The following IGFN1 variants were observed in gnomAD, a reference collection of about 807,000 sequenced individuals.
IGFN1 encodes the protein immunoglobulin-like and fibronectin type III domain-containing protein 1.
A neutral mutation model predicts 289.5 loss-of-function variants in IGFN1; 253 were observed. The ratio of observed to expected loss-of-function variants is 0.87; its 90% CI spans 0.79 to 0.97. The LOEUF (loss-of-function observed/expected upper bound fraction) is 0.97, where lower values mean the gene tolerates loss of function less well. IGFN1 is among the 50% of genes least tolerant of loss of function. The probability of loss-of-function intolerance (pLI) is 0.00; values close to 1 mark genes in which losing one functional copy is unlikely to be tolerated. For synonymous variants in IGFN1, 1,706 were observed against 1,788.5 expected (o/e 0.95, Z 1.16); for missense variants, 4,470 against 4,686.1 (o/e 0.95, Z 1.35).
chr1:201,214,611 C>A (rs1300796377), intron 13 of IGFN1, among the ~76,000 whole-genome samples: 1 of 152,112 alleles, frequency 6.6e-6, no homozygotes, highest in Non-Finnish European at 1.5e-5. Context: ...ATCGTCTCAT[C>A]CCAACCAGAA....
At chr1:201,203,103 AT>A (rs1427759743) in intron 9 of IGFN1, among the ~76,000 whole-genome samples, 1 of 151,952 alleles carries the variant, frequency 6.6e-6, no homozygotes, top group East Asian at 1.9e-4. Flanking sequence ...TATGACATCT[AT>A]TATTTATATT....
At chr1:201,193,731 C>T (rs1034595202) in intron 2 of IGFN1, among the ~76,000 whole-genome samples, 11 of 152,300 alleles carry the variant, frequency 7.2e-5, no homozygotes, top group Admixed American at 2.0e-4. Flanking sequence ...GGATTACTGG[C>T]GTAAGCCACC....
chr1:201,213,945 C>T (rs572915337), intron 12 of IGFN1, among the ~76,000 whole-genome samples: 4 of 152,280 alleles, frequency 2.6e-5, no homozygotes, highest in African/African-American at 9.6e-5. Context: ...CTTCATATAC[C>T]TTACACCCCA....
intron 10 of IGFN1, among the ~76,000 whole-genome samples, chr1:201,204,673 G>A (rs1016582283): frequency 1.3e-5 from 2 of 152,180 alleles, no homozygotes; most frequent in Admixed American, 6.5e-5. Flanking sequence ...TCTTAACTGC[G>A]TAAGACTGGG....
At chr1:201,223,676 A>C (rs1653897536) in intron 20 of IGFN1, among the ~76,000 whole-genome samples, 1 of 152,172 alleles carries the variant, frequency 6.6e-6, no homozygotes. Flanking sequence ...CCCAGCCAGA[A>C]CAAATATCTT....
intron 8 of IGFN1, among the ~76,000 whole-genome samples, chr1:201,201,450 G>A (rs1041293177): frequency 2.6e-5 from 4 of 152,156 alleles, no homozygotes; most frequent in Admixed American, 6.5e-5. Flanking sequence ...ACTAATGTTC[G>A]TTAGAAGTAC....
rs775012546 is a variant in IGFN1, at chr1:201,212,957, C to T, written c.8064C>T (p.Ser2688=). The change falls in exon 12 of 24, where the codon AGC becomes AGT. Residue 2688 remains serine, a synonymous_variant. Transcript: ENST00000335211. Reference sequence around the variant, plus strand: ...AAGAGGCGGCTGGTGGATGCCGAAGCCCATGGTCCCTGGATAGCAAAGGTT... The same window carrying T: ...AAGAGGCGGCTGGTGGATGCCGAAGTCCATGGTCCCTGGATAGCAAAGGTT... ...PGQEAAGGCR[S]PWSLDSKGSS... is the part of the protein sequence containing the mutation. The T allele has an allele frequency of 1.3e-6, 2 of 1,551,296 alleles. No individual in the cohort carries two copies. Among genetic ancestry groups the T allele is most frequent in the Non-Finnish European group, 1.7e-6 (2 of 1,146,974 alleles).
At position 201,194,230 on chromosome 1, in the gene IGFN1, G is replaced by C. The variant is rs542939183; in HGVS notation, c.84G>C (p.Thr28=). 6.4e-7 allele frequency: 1 copy of C among 1,551,598 alleles called. No individual in the cohort carries two copies. The highest frequency in any genetic ancestry group is 1.4e-5 in the African/African-American group (1 of 73,162). Residue 28 remains threonine (T), a synonymous_variant, in exon 3 of 24, where the codon ACG becomes ACC. Transcript: ENST00000335211. ...LVEEIPEGCS[T]PDFEQKPVTS... is the part of the protein sequence containing the mutation. ...AGGAGATCCCTGAAGGCTGCAGCAC[G>C]CCGGACTTTGAGCAGAAGCCCGTCA...
intron 8 of IGFN1, among the ~76,000 whole-genome samples, chr1:201,200,665 T>C (rs544182734): frequency 1.3e-5 from 2 of 152,280 alleles, no homozygotes; most frequent in South Asian, 2.1e-4. Context: ...CTCTGTATCT[T>C]GGTGTCTTCA....
At chr1:201,191,556 G>A (rs1442313309) in intron 1 of IGFN1, among the ~76,000 whole-genome samples, 2 of 152,164 alleles carry the variant, frequency 1.3e-5, no homozygotes, top group African/African-American at 2.4e-5. Context: ...ATGAATTATG[G>A]AGGAGAGAAT....
In IGFN1 at chr1:201,221,487, G is replaced by A. The variant is rs746521866; in HGVS notation, c.9942G>A (p.Ser3314=). Residue 3314 remains serine, a synonymous_variant, in exon 19 of 24, where the codon TCG becomes TCA. Transcript: ENST00000335211. The stretch of plus-strand genomic sequence containing the variant: ...GGAATCTCCAAGTCACAGACAGATC[G>A]AACACCAGCATCACTCTGAGCTGGG... The part of the protein sequence containing the change: ...LVRNLQVTDR[S]NTSITLSWAG... 9.3e-6 allele frequency: 15 copies of A among 1,611,970 alleles called. No individual in the cohort carries two copies. The highest frequency in any genetic ancestry group is 2.2e-5 in the East Asian group (1 of 44,876).
chr1:201,213,149 T>G lies in IGFN1; in HGVS notation c.8256T>G (p.Asp2752Glu). Residue 2752 changes from aspartate to glutamate, a missense_variant, in exon 12 of 24, where the codon GAT becomes GAG. Coordinates refer to ENST00000335211, the MANE Select transcript of IGFN1 (RefSeq NM_001164586.2). ...CCTTTGGCAGAAAAGCCTCTAGAGATAGGTCAGGAGGGACCCAGGACCTGA... is the reference window on the plus strand; with the variant it reads ...CCTTTGGCAGAAAAGCCTCTAGAGAGAGGTCAGGAGGGACCCAGGACCTGA... ...DGPFGRKASR[D>E]RSGGTQDLSS... The G allele has an allele frequency of 1.3e-6, 2 of 1,551,442 alleles. No individual in the cohort carries two copies. Among genetic ancestry groups the G allele is most frequent in the Non-Finnish European group, 1.7e-6 (2 of 1,146,910 alleles).
intron 5 of IGFN1, among the ~76,000 whole-genome samples, chr1:201,198,675 C>G (rs1042239562): frequency 5.9e-5 from 9 of 152,134 alleles, no homozygotes; most frequent in Non-Finnish European, 7.3e-5. Context: ...TATCCTCCCC[C>G]CTCGGCCTCC....
At position 201,221,603 on chromosome 1, in the gene IGFN1, TG is replaced by T. The variant is rs1558159078; in HGVS notation, c.10061del (p.Gly3354AlafsTer23). 1.9e-6 allele frequency: 3 copies of T among 1,614,202 alleles called. No homozygotes were observed. Among genetic ancestry groups the T allele is most frequent in the East Asian group, 4.5e-5 (2 of 44,884 alleles). ...SDSLQWLPCH[V>X]GTVPVTTYTA... ...AGTCTCCAGTGGCTCCCGTGCCATG[TG>T]GGCACCGTGCCAGTCACCACCTACA... On this transcript the variant is annotated frameshift_variant, in exon 19 of 24. Coordinates refer to ENST00000335211, the MANE Select transcript of IGFN1 (RefSeq NM_001164586.2). LOFTEE classifies it high-confidence loss of function.
chr1:201,197,489 C>T lies in IGFN1; in HGVS notation c.367+172C>T, dbSNP rs1301884133. 2.0e-5 allele frequency among the ~76,000 whole-genome samples: 3 copies of T among 152,210 alleles called. No homozygotes were observed. The East Asian group carries it at 5.8e-4, about 29-fold the overall frequency. The stretch of plus-strand genomic sequence containing the variant: ...GGGCCCCGGGCTTCATCCACATGCA[C>T]ACTGAGTCTGCATGTGTTTAAAAAG... On this transcript the variant is annotated intron_variant, in intron 5 of 23. Coordinates refer to ENST00000335211, the MANE Select transcript of IGFN1 (RefSeq NM_001164586.2).
At chr1:201,202,811 A>T (rs1667226856) in intron 9 of IGFN1, among the ~76,000 whole-genome samples, 1 of 130,916 alleles carries the variant, frequency 7.6e-6, no homozygotes, top group Admixed American at 9.4e-5. Flanking sequence ...CCTGGAGTGC[A>T]GTGGTGCAAT....
chr1:201,211,369 G>A lies in IGFN1; in HGVS notation c.6476G>A (p.Gly2159Asp), dbSNP rs1195162903. Residue 2159 changes from glycine to aspartate, a missense_variant, in exon 12 of 24, where the codon GGT (glycine) becomes GAT (aspartate). Physicochemically the swap from Gly to Asp is moderately conservative, Grantham distance 94. This residue lies in a region of IGFN1 where 2,218 missense variants were observed against 2,114.1 expected (regional missense o/e 1.05). Coordinates refer to ENST00000335211, the MANE Select transcript of IGFN1 (RefSeq NM_001164586.2). ...PKGMGSESKA[G>D]FRDGLGSSGE... ...GGAATGGGTTCAGAGAGTAAGGCAG[G>A]TTTTAGGGATGGTTTAGGGAGTTCT... 2.0e-6 allele frequency: 3 copies of A among 1,491,268 alleles called. No homozygotes were observed. Among genetic ancestry groups the A allele is most frequent in the African/African-American group, 1.4e-5 (1 of 71,224 alleles). 92.4% of individuals were successfully genotyped at this position (1,491,268 alleles called of 1,614,324 possible).
chr1:201,204,112 A>T (rs753463206), intron 10 of IGFN1, among the ~76,000 whole-genome samples: 1 of 152,192 alleles, frequency 6.6e-6, no homozygotes, highest in Non-Finnish European at 1.5e-5. Context: ...CCTGGTGCTG[A>T]GCTGGGTTCT....
intron 10 of IGFN1, 29 bp downstream of exon 10, chr1:201,203,935 G>T: frequency 1.3e-6 from 2 of 1,534,460 alleles, no homozygotes; most frequent in African/African-American, 1.4e-5. Context: ...CGAAGTTGGA[G>T]TTGGGGAGAT....
Sources: allele counts gnomAD v4.1 joint callset (sites outside exome capture counted in the v4.1 genomes callset), GRCh38; gene constraint gnomAD v4.1.1; regional missense constraint gnomAD v4.1.1; transcripts MANE v1.5; gene names NCBI Gene and HGNC (gene_info 2026-07-23, HGNC 2026-07-21).